Variants in EIF3A observed in about 807,000 individuals in gnomAD.
EIF3A encodes the protein EIF3, p180 subunit.
EIF3A carries 21 observed loss-of-function variants against 186.6 expected under a neutral mutation model. The observed-to-expected ratio is 0.11, with a 90% CI of 0.08 to 0.16. The LOEUF (loss-of-function observed/expected upper bound fraction) is 0.16. EIF3A is among the 10% of genes least tolerant of loss of function. The pLI is 1.00. For synonymous variants in EIF3A, 563 were observed against 584.3 expected (o/e 0.96, Z 0.52); for missense variants, 1,306 against 1,796.3 (o/e 0.73, Z 4.93).
At chr10:119,071,364 C>T (rs966818887) in intron 4 of EIF3A, among the ~76,000 whole-genome samples, 3 of 151,992 alleles carry the variant, frequency 2.0e-5, no homozygotes, top group Non-Finnish European at 4.4e-5. Flanking sequence ...ATCTAGGGGT[C>T]ACCTTTCAAA....
At chr10:119,073,145 G>T in intron 3 of EIF3A, 92 bp from the exon 4 acceptor site, 1 of 1,263,236 alleles carries the variant, frequency 7.9e-7, no homozygotes, top group Non-Finnish European at 1.1e-6. Context: ...AGAAAACAGT[G>T]CAAATTCTTC....
At chr10:119,075,879 A>ATTTTTTTTTTT (rs58100835) in intron 1 of EIF3A, among the ~76,000 whole-genome samples, 76 of 94,036 alleles carry the variant, frequency 8.1e-4, no homozygotes, top group East Asian at 1.3e-3. Context: ...CGCCTGGCTA[A>ATTTTTTTTTTT]TTTTTTTTTT....
Position 119,073,478 on chromosome 10 carries a change from C to T in EIF3A, c.340G>A (p.Asp114Asn), listed in dbSNP as rs868631352. The T allele has an allele frequency of 6.2e-7, 1 of 1,608,074 alleles. No individual in the cohort carries two copies. Among genetic ancestry groups the T allele is most frequent in the African/African-American group, 1.3e-5 (1 of 74,782 alleles). The change falls in exon 3 of 22, where the codon GAT becomes AAT. Residue 114 changes from aspartate (D) to asparagine (N), a missense_variant. Physicochemically the swap from Asp to Asn is conservative, Grantham distance 23. This residue lies in a region of EIF3A where 130 missense variants were observed against 259.3 expected (regional missense o/e 0.50). Transcript: ENST00000369144. ...TGAATATTATCTAGATCCTCTATAT[C>T]TAAGACCATCTGCTGAGATTCTTCT... is the stretch of plus-strand genomic sequence containing the variant. ...AKEESQQMVL[D>N]IEDLDNIQTP...
In EIF3A at chr10:119,042,645, G is replaced by A. The variant is rs372977820; in HGVS notation, c.2875C>T (p.Arg959Trp). ...SLRPDDDRVP[R>W]RGMDDDRGPR... ...CCTCTGTCATCATCCATGCCACGCC[G>A]GGGAACCCGATCATCGTCTGGTCTA... The change falls in exon 19 of 22, where the codon CGG becomes TGG. Residue 959 changes from arginine to tryptophan, a missense_variant. Physicochemically the swap from Arg to Trp is moderately radical, Grantham distance 101. Coordinates refer to ENST00000369144, the MANE Select transcript of EIF3A (RefSeq NM_003750.4). This position sits in a 1 kb window ranked among gnomAD's most constrained non-coding sequence, Gnocchi z 7.8. 1.1e-4 allele frequency: 171 copies of A among 1,614,066 alleles called. 3 individuals are homozygous for A. In the Admixed American group the frequency reaches 2.4e-3, roughly 23 times the overall value.
chr10:119,074,056 T>C lies in EIF3A; in HGVS notation c.50-119A>G, dbSNP rs1844118513. 3 of 850,766 alleles carry C rather than the reference T, an allele frequency of 3.5e-6. No individual in the cohort carries two copies. In the South Asian group the frequency reaches 7.2e-5, roughly 20 times the overall value. The allele number at this position is 850,766 out of a possible 1,614,324, so 52.7% of individuals were successfully genotyped here. On this transcript the variant is annotated intron_variant, in intron 1 of 21. Transcript: ENST00000369144. ...TTACCAACTTTTTACCAAGTTACAT[T>C]TATTTTTGACTTCTAAAGCTATGCC...
At position 119,080,462 on chromosome 10, in the gene EIF3A, G is replaced by A. The variant is rs1844246712; in HGVS notation, c.49+166C>T. The A allele has an allele frequency of 1.0e-5, 10 of 985,420 alleles. No homozygotes were observed. The South Asian group carries it at 1.4e-4, about 14-fold the overall frequency. The allele number at this position is 985,420 out of a possible 1,614,324, so 61.0% of individuals were successfully genotyped here. On this transcript the variant is annotated intron_variant, in intron 1 of 21. Transcript: ENST00000369144. ...TCCCAGACCCCAGTCGATAGAGTGA[G>A]AAGGAAACCCATGCCCAACCACCGG...
At chr10:119,069,036 G>A (rs1564759637) in intron 6 of EIF3A, among the ~76,000 whole-genome samples, 1 of 151,586 alleles carries the variant, frequency 6.6e-6, no homozygotes, top group East Asian at 1.9e-4. Context: ...TTTGTTCTGA[G>A]AATAGACTCC....
In EIF3A at chr10:119,042,084, C is replaced by T. The variant is rs1354908359; in HGVS notation, c.3436G>A (p.Asp1146Asn). The change falls in exon 19 of 22, where the codon GAT becomes AAT. Residue 1146 changes from aspartate to asparagine, a missense_variant. Asp to Asn is a conservative substitution (Grantham distance 23, BLOSUM62 1). Around this residue, in one of 8 missense-constraint regions of EIF3A, gnomAD observed 331 missense variants for 365.8 expected, o/e 0.90. Transcript: ENST00000369144. The surrounding 1 kb of genome is among the most constrained non-coding windows in gnomAD (Gnocchi z 7.8). ...TCATCAGCACGTCTTGAAAGGCGAT[C>T]ATCATCCATGTTTCTCCAAGGGCCC... ...DRGPWRNMDD[D>N]RLSRRADDDR... The T allele has an allele frequency of 1.2e-6, 2 of 1,614,088 alleles. No individual in the cohort carries two copies. Among genetic ancestry groups the T allele is most frequent in the African/African-American group, 2.7e-5 (2 of 74,926 alleles).
intron 7 of EIF3A, among the ~76,000 whole-genome samples, chr10:119,063,353 CA>C (rs1247021395): frequency 1.3e-5 from 2 of 152,150 alleles, no homozygotes; most frequent in African/African-American, 4.8e-5. Flanking sequence ...ATTACTATGT[CA>C]CAAAGGAAAA....
intron 9 of EIF3A, 71 bp downstream of exon 9, chr10:119,060,675 G>T: frequency 1.7e-6 from 2 of 1,209,976 alleles, no homozygotes; most frequent in Middle Eastern, 2.1e-4. Context: ...GGCAGTTCTA[G>T]ATTTTTCCAG....
chr10:119,065,012 G>A (rs1252782451), intron 7 of EIF3A, among the ~76,000 whole-genome samples: 2 of 151,868 alleles, frequency 1.3e-5, no homozygotes, highest in Non-Finnish European at 2.9e-5. Context: ...ACCCATCCTC[G>A]GGTATATATA....
chr10:119,041,929 T>C, intron 19 of EIF3A, 65 bp downstream of exon 19: 1 of 1,490,952 alleles, frequency 6.7e-7, no homozygotes, highest in South Asian at 1.2e-5. Flanking sequence ...GCCCTGATAT[T>C]TATCCATCAG....
rs1365946527 is a variant in EIF3A, at chr10:119,033,975, A to C, written c.*2064T>G. 6.0e-6 allele frequency: 1 copy of C among 167,098 alleles called. No homozygotes were observed. The highest frequency in any genetic ancestry group is 1.5e-5 in the Non-Finnish European group (1 of 68,120). The allele number at this position is 167,098 out of a possible 1,614,324, so 10.4% of individuals were successfully genotyped here. ...TCACTATGGACAACTAATGAGATGC[A>C]AAGTCTTTTGGACCGATGATGTCTC... On this transcript the variant is annotated 3_prime_UTR_variant, in exon 22 of 22. Transcript: ENST00000369144.
At chr10:119,073,191 T>A in intron 3 of EIF3A, 138 bp from the exon 4 acceptor site, 1 of 807,736 alleles carries the variant, frequency 1.2e-6, no homozygotes, top group Non-Finnish European at 1.9e-6. Context: ...TGTCACTATC[T>A]ACTCCCTGAA....
At chr10:119,044,163 A>G in intron 17 of EIF3A, 21 bp from the exon 18 acceptor site, 1 of 1,527,794 alleles carries the variant, frequency 6.5e-7, no homozygotes, top group Non-Finnish European at 9.1e-7. Flanking sequence ...AAAGTGAAAA[A>G]GAAGCATTAC....
chr10:119,044,585 A>C (rs1231952175), intron 17 of EIF3A, among the ~76,000 whole-genome samples: 1 of 152,242 alleles, frequency 6.6e-6, no homozygotes, highest in African/African-American at 2.4e-5. Context: ...GCGGTGGCTC[A>C]CGCCTGTAAT....
chr10:119,070,806 G>A (rs968522168), intron 5 of EIF3A, 80 bp downstream of exon 5: 1 of 975,938 alleles, frequency 1.0e-6, no homozygotes. Flanking sequence ...TGCATACCAA[G>A]ATGAAGCTAT....
At chr10:119,057,648 G>A (rs1244962883) in intron 12 of EIF3A, among the ~76,000 whole-genome samples, 4 of 152,034 alleles carry the variant, frequency 2.6e-5, no homozygotes, top group Non-Finnish European at 4.4e-5. Context: ...GGTGGCAGGC[G>A]CCTGTAATCC....
chr10:119,080,266 G>T, intron 1 of EIF3A: 1 of 970,746 alleles, frequency 1.0e-6, no homozygotes, highest in Non-Finnish European at 1.2e-6. Context: ...GGGGACGCGG[G>T]CCCTAAGCAG....
Sources: allele counts gnomAD v4.1 joint callset (sites outside exome capture counted in the v4.1 genomes callset), GRCh38; gene constraint gnomAD v4.1.1; regional missense constraint gnomAD v4.1.1; non-coding constraint Gnocchi (gnomAD v3.1); transcripts MANE v1.5; gene names NCBI Gene and HGNC (gene_info 2026-07-23, HGNC 2026-07-21).